CES5A: variants seen among roughly 807,000 people sequenced by gnomAD.
CES5A encodes carboxylesterase 5A, also known as carboxylesterase 5.
In CES5A, 67 loss-of-function variants were observed where a neutral mutation model predicts 62.9. The ratio of observed to expected loss-of-function variants is 1.07; its 90% confidence interval spans 0.88 to 1.31. The LOEUF (loss-of-function observed/expected upper bound fraction) is 1.31, where lower values mean the gene tolerates loss of function less well. Ranked by LOEUF, CES5A falls within the 50% of genes most tolerant of loss-of-function variation. CES5A has a pLI of 0.00. For synonymous variants in CES5A, 296 were observed against 280.8 expected, an observed-to-expected ratio of 1.05 and a Z score of -0.54; for missense variants, 748 against 708.5, an observed-to-expected ratio of 1.06 and a Z score of -0.63.
intron 1 of CES5A, among the ~76,000 whole-genome samples, chr16:55,898,084 G>A (rs2033952776): frequency 1.3e-5 from 2 of 152,226 alleles, no homozygotes; most frequent in Non-Finnish European, 2.9e-5. Context: ...CAATGACCAT[G>A]AGGATCAGGA....
chr16:55,920,989 A>G (rs1438126066), intron 1 of CES5A, among the ~76,000 whole-genome samples: 1 of 152,240 alleles, frequency 6.6e-6, no homozygotes, highest in African/African-American at 2.4e-5. Flanking sequence ...AAAATTCATT[A>G]GAAGCTCTTC....
At chr16:55,923,507 G>A (rs1198670848) in intron 1 of CES5A, among the ~76,000 whole-genome samples, 3 of 151,728 alleles carry the variant, frequency 2.0e-5, no homozygotes, top group African/African-American at 4.8e-5. Flanking sequence ...AATAAATAAT[G>A]AGATCAAAGC....
At chr16:55,898,821 T>G (rs1434196929) in intron 1 of CES5A, among the ~76,000 whole-genome samples, 4 of 152,006 alleles carry the variant, frequency 2.6e-5, no homozygotes, top group African/African-American at 9.7e-5. Flanking sequence ...AACCCTGAGA[T>G]CATCACAGGC....
At chr16:55,878,068 G>C (rs1422588771), upstream of CES5A, among the ~76,000 whole-genome samples, 2 of 152,150 alleles carry the variant, frequency 1.3e-5, no homozygotes, top group Non-Finnish European at 2.9e-5. Context: ...CAGTGGCCTG[G>C]ATGGCCCCTG....
chr16:55,924,138 A>C (rs561591379), intron 1 of CES5A, among the ~76,000 whole-genome samples: 13 of 152,080 alleles, frequency 8.5e-5, no homozygotes, highest in African/African-American at 2.6e-4. Flanking sequence ...CCTTATTCAC[A>C]GATGACATGG....
chr16:55,880,030 A>C (rs1567338780), upstream of CES5A, among the ~76,000 whole-genome samples: 1 of 152,208 alleles, frequency 6.6e-6, no homozygotes. Flanking sequence ...TGATGACTCT[A>C]TTATTTACAA....
chr16:55,885,475 T>C (rs1049161784), intron 1 of CES5A, among the ~76,000 whole-genome samples: 1 of 152,016 alleles, frequency 6.6e-6, no homozygotes, highest in Non-Finnish European at 1.5e-5. Context: ...GCCGGGAAAG[T>C]CCAGGAGAGC....
intron 2 of CES5A, among the ~76,000 whole-genome samples, chr16:55,948,659 G>A (rs1403670076): frequency 2.6e-5 from 4 of 152,170 alleles, no homozygotes; most frequent in Non-Finnish European, 4.4e-5. Context: ...CCCTTGACAT[G>A]CTGAGTTGAG....
intron 1 of CES5A, among the ~76,000 whole-genome samples, chr16:55,924,094 G>T (rs927520887): frequency 2.6e-5 from 4 of 151,674 alleles, no homozygotes; most frequent in Admixed American, 2.0e-4. Flanking sequence ...AGAAATAAAG[G>T]GCATTCCAAC....
intron 2 of CES5A, among the ~76,000 whole-genome samples, chr16:55,942,085 G>C (rs922883373): frequency 6.6e-6 from 1 of 152,048 alleles, no homozygotes; most frequent in South Asian, 2.1e-4. Context: ...AATTAAGACA[G>C]ATCATAGACC....
At chr16:55,853,163 G>T in intron 9 of CES5A, 135 bp from the exon 10 acceptor site, 2 of 843,956 alleles carry the variant, frequency 2.4e-6, no homozygotes, top group Non-Finnish European at 3.7e-6. Flanking sequence ...ACCCTATGAT[G>T]CAAGTATCAA....
intron 4 of CES5A, among the ~76,000 whole-genome samples, chr16:55,866,704 G>T (rs1196975483): frequency 5.1e-5 from 7 of 136,198 alleles, no homozygotes; most frequent in African/African-American, 1.8e-4. Context: ...TGGACACGGT[G>T]GCAGGCGCCT....
intron 1 of CES5A, among the ~76,000 whole-genome samples, chr16:55,913,966 G>A (rs13331225): frequency 6.6e-6 from 1 of 152,182 alleles, no homozygotes; most frequent in Non-Finnish European, 1.5e-5. Context: ...GCCCTGTGCT[G>A]CAGAAATCAG....
chr16:55,891,137 C>T (rs984745445), intron 1 of CES5A, among the ~76,000 whole-genome samples: 9 of 152,068 alleles, frequency 5.9e-5, no homozygotes, highest in Non-Finnish European at 2.9e-5. Flanking sequence ...CCACTCACCT[C>T]GTCACTCTCT....
intron 11 of CES5A, 138 bp downstream of exon 11, chr16:55,849,486 T>G: frequency 1.1e-6 from 1 of 918,588 alleles, no homozygotes; most frequent in Non-Finnish European, 1.7e-6. Context: ...AGGGAGGGCA[T>G]TTTCCAGAGA....
chr16:55,883,568 C>T (rs78179316), intron 1 of CES5A, among the ~76,000 whole-genome samples: 1,909 of 152,298 alleles, frequency 0.013, 65 homozygotes, highest in East Asian at 0.11. Context: ...CCACTGCACC[C>T]GGGCCACCGT....
In CES5A at chr16:55,924,183, CA is replaced by C. The variant is rs569060566; in HGVS notation, c.-256+1139del. Among the ~76,000 whole-genome samples, 6 of 150,976 alleles carry C rather than the reference CA, an allele frequency of 4.0e-5. No individual in the cohort carries two copies. The East Asian group carries it at 5.8e-4, about 15-fold the overall frequency. On this transcript the variant is annotated intron_variant, in intron 1 of 12. Coordinates refer to the CES5A transcript ENST00000518005. ...CAGGAAAACCTAAAGAATACACACA[CA>C]AAAAAAACTGTTAGAATTGATAAAC... is the stretch of plus-strand genomic sequence containing the variant.
intron 4 of CES5A, among the ~76,000 whole-genome samples, chr16:55,869,029 T>C (rs1268325149): frequency 1.3e-5 from 2 of 152,250 alleles, no homozygotes; most frequent in Admixed American, 1.3e-4. Flanking sequence ...GATAGAGTGA[T>C]GATTCTCAGG....
chr16:55,900,462 A>G (rs2033979286), intron 1 of CES5A, among the ~76,000 whole-genome samples: 1 of 152,210 alleles, frequency 6.6e-6, no homozygotes, highest in South Asian at 2.1e-4. Context: ...CTCTGCCCCA[A>G]TGGATAAGGA....
Sources: allele counts gnomAD v4.1 joint callset (sites outside exome capture counted in the v4.1 genomes callset), GRCh38; gene constraint gnomAD v4.1.1; transcripts MANE v1.5; gene names NCBI Gene and HGNC (gene_info 2026-07-23, HGNC 2026-07-21).